The following NEK2 variants were observed in gnomAD, a reference collection of about 807,000 sequenced individuals.
The protein encoded by NEK2 is serine/threonine-protein kinase Nek2.
In NEK2, 28 loss-of-function variants were observed where a neutral mutation model predicts 54.1. That is an observed-to-expected ratio of 0.52 (90% CI 0.38 to 0.71). The LOEUF (loss-of-function observed/expected upper bound fraction) is 0.71. NEK2 is among the 30% of genes least tolerant of loss of function. The pLI is 0.00. For synonymous variants in NEK2, 176 were observed against 193.1 expected, an observed-to-expected ratio of 0.91 and a Z score of 0.73; for missense variants, 407 against 531.5, an observed-to-expected ratio of 0.77 and a Z score of 2.30.
At chr1:211,671,029 T>C in intron 4 of NEK2, 173 bp downstream of exon 4, 2 of 584,750 alleles carry the variant, frequency 3.4e-6, no homozygotes, top group Non-Finnish European at 6.1e-6. Flanking sequence ...TAGTTTTAAT[T>C]TGTGAATAGT....
intron 3 of NEK2, among the ~76,000 whole-genome samples, chr1:211,672,097 C>T (rs1655409597): frequency 6.6e-6 from 1 of 152,166 alleles, no homozygotes; most frequent in Non-Finnish European, 1.5e-5. Flanking sequence ...AAGTTTTATA[C>T]TATAGTAAGA....
intron 7 of NEK2, among the ~76,000 whole-genome samples, chr1:211,665,482 T>C (rs183100660): frequency 6.6e-6 from 1 of 152,320 alleles, no homozygotes; most frequent in East Asian, 1.9e-4. Flanking sequence ...GTAAATAAAC[T>C]CTTTAACCGA....
chr1:211,669,635 G>C (rs1273657313), intron 5 of NEK2: 1 of 361,290 alleles, frequency 2.8e-6, no homozygotes, highest in Non-Finnish European at 5.1e-6. Flanking sequence ...GCATTGCTAG[G>C]GTCTGTTTTA....
In NEK2 at chr1:211,663,549, T is replaced by C. The variant is rs776258811; in HGVS notation, c.1215A>G (p.Thr405=). The C allele has an allele frequency of 1.9e-5, 31 of 1,613,980 alleles. No individual in the cohort carries two copies. The highest frequency in any genetic ancestry group is 2.6e-5 in the Non-Finnish European group (31 of 1,179,874). The change falls in exon 8 of 8, where the codon ACA becomes ACG. Residue 405 remains threonine, a synonymous_variant. Transcript: ENST00000366999. ...TCAGGTCCTTGCACTTGGACTTAGATGTGAGCTGACTCTCAGAATTCTCAC... is the reference window on the plus strand; with the variant it reads ...TCAGGTCCTTGCACTTGGACTTAGACGTGAGCTGACTCTCAGAATTCTCAC... ...MRSENSESQL[T]SKSKCKDLKK...
downstream of NEK2, chr1:211,660,065 C>T (rs1210072075): frequency 4.2e-5 from 7 of 168,628 alleles, no homozygotes; most frequent in South Asian, 1.6e-4. Flanking sequence ...TCAAGAGATC[C>T]TCCCTCCTTG....
downstream of NEK2, chr1:211,661,135 C>G: frequency 2.7e-6 from 2 of 745,102 alleles, no homozygotes; most frequent in South Asian, 1.4e-5. Context: ...GCGATAGCAT[C>G]TCCTGTCTCT....
rs141145283 is a variant in NEK2 at position 211,667,176 on chromosome 1, T to C, written c.1041A>G (p.Arg347=). The C allele has an allele frequency of 7.5e-5, 121 of 1,613,712 alleles. No individual in the cohort carries two copies. In the East Asian group the frequency reaches 2.6e-3, roughly 35 times the overall value. ...TGTAGTTCTTCAACAGATTTTCTGC[T>C]CTAGCCAGTTTGTCCTCTGCTAGTC... ...RERLAEDKLA[R]AENLLKNYSL... is the part of the protein sequence containing the mutation. Residue 347 remains arginine, a synonymous_variant, in exon 7 of 8, where the codon AGA becomes AGG. Transcript: ENST00000366999.
In NEK2 at chr1:211,663,713, C is replaced by T. The variant is rs1015029724; in HGVS notation, c.1112-61G>A. 1.2e-5 allele frequency: 18 copies of T among 1,468,636 alleles called. No individual in the cohort carries two copies. In the African/African-American group the frequency reaches 2.3e-4, roughly 19 times the overall value. 91.0% of individuals were successfully genotyped at this position (1,468,636 alleles called of 1,614,324 possible). A position where few individuals can be genotyped will look rare whatever the true frequency, so the allele number is the denominator to read the frequency against. ...TTGAACAGAGTTCAACTCCTTCATA[C>T]TTATACTTATCAAAAAGTATTTGCT... On this transcript the variant is annotated intron_variant, in intron 7 of 7. Transcript: ENST00000366999.
In NEK2 at chr1:211,666,843, A is replaced by G. The variant is rs1458460674; in HGVS notation, c.1111+263T>C. The G allele has an allele frequency of 5.4e-6, 6 of 1,105,564 alleles. No individual in the cohort carries two copies. In the East Asian group the frequency reaches 1.2e-4, roughly 21 times the overall value. 68.5% of individuals were successfully genotyped at this position (1,105,564 alleles called of 1,614,324 possible). A position where few individuals can be genotyped will look rare whatever the true frequency, so the allele number is the denominator to read the frequency against. On this transcript the variant is annotated intron_variant, in intron 7 of 7. Transcript: ENST00000366999. ...ATAATGATAATAAAAATAAGTATCA[A>G]TTACTAAACATGTAGTTTGATAAGG... is the stretch of plus-strand genomic sequence containing the variant.
rs1655183007 is a variant in NEK2 at position 211,666,524 on chromosome 1, G to A, written c.1111+582C>T. 3.1e-6 allele frequency: 3 copies of A among 977,718 alleles called. No homozygotes were observed. In the Admixed American group the frequency reaches 1.8e-4, roughly 60 times the overall value. 60.6% of individuals were successfully genotyped at this position (977,718 alleles called of 1,614,324 possible). A position where few individuals can be genotyped will look rare whatever the true frequency, so the allele number is the denominator to read the frequency against. ...AATTTTTAAAAATAAGTATCGGCTGGGCACGGTGTCTCATGCCTGTAATCC... is the reference window on the plus strand; with the variant it reads ...AATTTTTAAAAATAAGTATCGGCTGAGCACGGTGTCTCATGCCTGTAATCC... On this transcript the variant is annotated intron_variant, in intron 7 of 7. Transcript: ENST00000366999.
intron 7 of NEK2, chr1:211,666,712 T>G: frequency 3.6e-6 from 1 of 278,624 alleles, no homozygotes; most frequent in Non-Finnish European, 5.4e-6. Flanking sequence ...GGCAGAAGAA[T>G]GGCGTGAACC....
At chr1:211,665,483 CTT>C (rs926532550) in intron 7 of NEK2, among the ~76,000 whole-genome samples, 10 of 152,200 alleles carry the variant, frequency 6.6e-5, no homozygotes, top group Non-Finnish European at 1.5e-4. Context: ...TAAATAAACT[CTT>C]TAACCGAACA....
chr1:211,664,304 G>C (rs976787269), intron 7 of NEK2, among the ~76,000 whole-genome samples: 1 of 152,096 alleles, frequency 6.6e-6, no homozygotes, highest in African/African-American at 2.4e-5. Flanking sequence ...CAGAATTACT[G>C]GGGGCTGGAG....
intron 5 of NEK2, among the ~76,000 whole-genome samples, chr1:211,669,881 T>C (rs1031563890): frequency 5.3e-5 from 8 of 152,156 alleles, no homozygotes; most frequent in African/African-American, 1.7e-4. Context: ...CCGCCCTCCA[T>C]CACCCCTCCC....
chr1:211,675,317 G>T, intron 1 of NEK2, 67 bp downstream of exon 1: 1 of 1,433,288 alleles, frequency 7.0e-7, no homozygotes, highest in Non-Finnish European at 9.8e-7. Flanking sequence ...CTTCGGTGGC[G>T]CAGGGCGCTC....
chr1:211,674,210 T>C, intron 2 of NEK2, 86 bp downstream of exon 2: 1 of 1,100,866 alleles, frequency 9.1e-7, no homozygotes. Context: ...AATACACTCT[T>C]CCATATTACT....
downstream of NEK2, chr1:211,660,797 A>G (rs920612646): frequency 2.4e-5 from 17 of 698,494 alleles, no homozygotes; most frequent in Non-Finnish European, 4.3e-5. Context: ...AGGTTCAGGT[A>G]ATAGGGCTGC....
At chr1:211,659,048 C>A (rs1654953308), downstream of NEK2, among the ~76,000 whole-genome samples, 1 of 152,130 alleles carries the variant, frequency 6.6e-6, no homozygotes, top group Non-Finnish European at 1.5e-5. Flanking sequence ...TACACACAGT[C>A]AATGCTGTGA....
intron 3 of NEK2, 116 bp downstream of exon 3, chr1:211,673,367 T>A (rs1655459426): frequency 1.6e-6 from 2 of 1,266,042 alleles, no homozygotes; most frequent in South Asian, 1.4e-5. Context: ...TGAGCCCAGA[T>A]CGCACCACTG....
Sources: allele counts gnomAD v4.1 joint callset (sites outside exome capture counted in the v4.1 genomes callset), GRCh38; gene constraint gnomAD v4.1.1; transcripts MANE v1.5; gene names NCBI Gene and HGNC (gene_info 2026-07-23, HGNC 2026-07-21).